TTN: variants seen among roughly 807,000 people sequenced by gnomAD.
TTN encodes the protein titin.
TTN carries 1,525 observed loss-of-function variants against 3,223.0 expected under a neutral mutation model. The observed-to-expected ratio is 0.47, with a 90% CI of 0.45 to 0.49. The LOEUF is 0.49. Among genes scored for constraint, TTN ranks in the 20% least tolerant of loss-of-function variants. The pLI is 0.00. For missense variants in TTN, 40,786 were observed against 43,424.0 expected, an observed-to-expected ratio of 0.94 and a Z score of 5.40; for synonymous variants, 14,094 against 15,161.0, an observed-to-expected ratio of 0.93 and a Z score of 5.17.
Position 178,548,850 on chromosome 2 carries a change from C to G in TTN, c.92776G>C (p.Asp30926His). ...AVDRLTAPEL[D>H]IDANFKQTHV... Reference sequence around the variant, plus strand: ...GTCTGTTTGAAGTTTGCATCTATGTCTAACTCAGGAGCTGTTAACCGGTCA... The same window carrying G: ...GTCTGTTTGAAGTTTGCATCTATGTGTAACTCAGGAGCTGTTAACCGGTCA... Residue 30926 changes from aspartate to histidine, a missense_variant, in exon 339 of 363, where the codon GAC becomes CAC. Coordinates refer to ENST00000589042, the MANE Select transcript of TTN (RefSeq NM_001267550.2). This position sits in a 1 kb window ranked among gnomAD's most constrained non-coding sequence, Gnocchi z 4.3. 1 of 1,613,478 alleles carries G rather than the reference C, an allele frequency of 6.2e-7. No individual in the cohort carries two copies.
At chr2:178,619,490 AGTT>A in intron 250 of TTN, 128 bp downstream of exon 250, 1 of 1,139,062 alleles carries the variant, frequency 8.8e-7, no homozygotes, top group Non-Finnish European at 1.2e-6. Context: ...GCAAAATTAG[AGTT>A]GTTAACATGT....
rs2154135353 is a variant in TTN, at chr2:178,533,718, T to C, written c.102897A>G (p.Lys34299=). The C allele has an allele frequency of 1.9e-6, 3 of 1,613,932 alleles. No homozygotes were observed. The highest frequency in any genetic ancestry group is 2.5e-6 in the Non-Finnish European group (3 of 1,179,870). ...TGTACTTCTTGTCATTGTCACCTGG[T>C]TTGATTTTCTGACCTGATTTATACC... The part of the protein sequence containing the change: ...VTWYKSGQKI[K]PGDNDKKYTF... The change falls in exon 358 of 363, where the codon AAA becomes AAG. Residue 34299 remains lysine (K), a synonymous_variant. Coordinates refer to ENST00000589042, the MANE Select transcript of TTN (RefSeq NM_001267550.2).
chr2:178,805,713 T>C (rs1278551824), intron 1 of TTN, among the ~76,000 whole-genome samples: 2 of 152,216 alleles, frequency 1.3e-5, no homozygotes, highest in African/African-American at 4.8e-5. Flanking sequence ...CAAAGTTTAT[T>C]ATAGTTCTGA....
chr2:178,785,419 T>G (rs138009314), intron 15 of TTN, among the ~76,000 whole-genome samples: 3 of 152,244 alleles, frequency 2.0e-5, no homozygotes, highest in African/African-American at 7.2e-5. Context: ...GATAACCACT[T>G]GTGACTCTAG....
chr2:178,710,881 C>T lies in TTN; in HGVS notation c.28216G>A (p.Val9406Met), dbSNP rs1280284347. The stretch of plus-strand genomic sequence containing the variant: ...GCACTTTCTCCCACCACAGCATCCA[C>T]AGGGGCAAGACGGATGTCAAAGAAG... Reference protein sequence around the residue: ...PPFFDIRLAPVDAVVGESADF... With the variant: ...PPFFDIRLAPMDAVVGESADF... Residue 9406 changes from valine (V) to methionine (M), a missense_variant, in exon 98 of 363, where the codon GTG becomes ATG. Transcript: ENST00000589042. The T allele has an allele frequency of 6.2e-7, 1 of 1,613,884 alleles. No individual in the cohort carries two copies. The highest frequency in any genetic ancestry group is 1.3e-5 in the African/African-American group (1 of 75,038).
In TTN at chr2:178,711,189, T is replaced by C. The variant is rs575817028; in HGVS notation, c.28047A>G (p.Thr9349=). 4 of 1,613,858 alleles carry C rather than the reference T, an allele frequency of 2.5e-6. No homozygotes were observed. The South Asian group carries it at 3.3e-5, about 13-fold the overall frequency. ...KPLKDSPNVQ[T]SFLDNTATLN... Reference sequence around the variant, plus strand: ...GTGTGGCTGTATTGTCTAAAAATGATGTTTGTACATTTGGGCTGTCTTTCA... The same window carrying C: ...GTGTGGCTGTATTGTCTAAAAATGACGTTTGTACATTTGGGCTGTCTTTCA... Residue 9349 remains threonine (T), a synonymous_variant, in exon 97 of 363, where the codon ACA becomes ACG. Coordinates refer to ENST00000589042, the MANE Select transcript of TTN (RefSeq NM_001267550.2).
Position 178,558,326 on chromosome 2 carries a change from CA to C in TTN, c.87118+14del, listed in dbSNP as rs1702303345. On this transcript the variant is annotated intron_variant, in intron 327 of 362. Coordinates refer to ENST00000589042, the MANE Select transcript of TTN (RefSeq NM_001267550.2). The stretch of plus-strand genomic sequence containing the variant: ...AATAATTTCAAATTTTGCTTCTACA[CA>C]AAATTAGACATACCTAGTTGCTCCT... 6.3e-7 allele frequency: 1 copy of C among 1,596,758 alleles called. No individual in the cohort carries two copies. Among genetic ancestry groups the C allele is most frequent in the African/African-American group, 1.4e-5 (1 of 73,690 alleles).
intron 250 of TTN, 194 bp from the exon 251 acceptor site, chr2:178,619,047 G>A (rs2057842800): frequency 1.4e-6 from 1 of 698,418 alleles, no homozygotes; most frequent in South Asian, 2.1e-5. Context: ...AAATTAGATT[G>A]GAGAGTAGAG....
chr2:178,757,158 C>CAGCA (rs2087329128), intron 45 of TTN, among the ~76,000 whole-genome samples: 2 of 149,826 alleles, frequency 1.3e-5, no homozygotes, highest in African/African-American at 2.5e-5. Context: ...GCTTTAAGTA[C>CAGCA]AGTAAGTAAT....
chr2:178,591,053 G>C lies in TTN; in HGVS notation c.60672C>G (p.Ser20224=). The C allele has an allele frequency of 1.2e-6, 2 of 1,613,316 alleles. No individual in the cohort carries two copies. Among genetic ancestry groups the C allele is most frequent in the Non-Finnish European group, 1.7e-6 (2 of 1,179,534 alleles). Residue 20224 remains serine, a synonymous_variant, in exon 304 of 363, where the codon TCC becomes TCG. Transcript: ENST00000589042. ...TTTTCAGCTTTGTCTTACTGCTTCC[G>C]GAAGAGACAACACCCCACGTGTCTT... The part of the protein sequence containing the change: ...TRKDTWGVVS[S]GSSKTKLKIP...
chr2:178,784,548 A>G (rs1052920495), intron 15 of TTN, among the ~76,000 whole-genome samples, 197 bp from the exon 16 acceptor site: 6 of 152,226 alleles, frequency 3.9e-5, no homozygotes, highest in African/African-American at 1.4e-4. Flanking sequence ...GTTAGTTTGT[A>G]AAACAAATTT....
rs569174612 is a variant in TTN at position 178,567,293 on chromosome 2, T to G, written c.78839A>C (p.Asn26280Thr). The change falls in exon 326 of 363, where the codon AAT (asparagine) becomes ACT (threonine). Residue 26280 changes from asparagine (N) to threonine (T), a missense_variant. Coordinates refer to ENST00000589042, the MANE Select transcript of TTN (RefSeq NM_001267550.2). ...TCCTGGTCTATCTAATACTTTTACA[T>G]TTACTGGGAATGACTTAGAACCTGC... ...NVAGSKSFPV[N>T]VKVLDRPGPP... 1.2e-6 allele frequency: 2 copies of G among 1,607,044 alleles called. No homozygotes were observed. Among genetic ancestry groups the G allele is most frequent in the African/African-American group, 2.7e-5 (2 of 74,528 alleles).
rs200378865 is a variant in TTN, at chr2:178,531,488, G to A, written c.105127C>T (p.Arg35043Cys). 3.5e-4 allele frequency: 571 copies of A among 1,613,856 alleles called. 2 individuals carry two copies. The African/African-American group carries it at 6.6e-3, about 19-fold the overall frequency. Reference protein sequence around the residue: ...GGDYTTYASQRRDEEVPRSVF... With the variant: ...GGDYTTYASQCRDEEVPRSVF... ...GATCTGGGGACCTCTTCATCTCTGC[G>A]TTGGGAAGCATAGGTGGTATAATCC... The change falls in exon 358 of 363, where the codon CGC becomes TGC. Residue 35043 changes from arginine (R) to cysteine (C), a missense_variant. Transcript: ENST00000589042.
intron 316 of TTN, among the ~76,000 whole-genome samples, chr2:178,581,080 TAGAAGAAATA>T (rs1241959242): frequency 1.3e-5 from 2 of 151,764 alleles, no homozygotes; most frequent in African/African-American, 4.8e-5. Flanking sequence ...GATAAGCAAA[TAGAAGAAATA>T]AGAAGAAGGG....
At chr2:178,802,112 G>C in intron 3 of TTN, 26 bp downstream of exon 3, 2 of 1,613,686 alleles carry the variant, frequency 1.2e-6, no homozygotes, top group Non-Finnish European at 1.7e-6. Flanking sequence ...GGGGAGCAGA[G>C]GATTGGCAGG....
Position 178,720,663 on chromosome 2 carries a change from G to A in TTN, c.23099C>T (p.Ala7700Val), listed in dbSNP as rs747272659. Residue 7700 changes from alanine to valine, a missense_variant and splice_region_variant, in exon 80 of 363, where the codon GCA becomes GTA. Transcript: ENST00000589042. ...ASCSTALTVK[A>V]PPVFTQKPSP... ...AGGCTTCTGGGTGAAAACAGGAGGT[G>A]CTACCAGAAAAAAGGAGATAAACAA... The A allele has an allele frequency of 2.5e-6, 4 of 1,571,082 alleles. No individual in the cohort carries two copies. The East Asian group carries it at 6.7e-5, about 26-fold the overall frequency.
chr2:178,557,019 C>T lies in TTN; in HGVS notation c.88135G>A (p.Asp29379Asn), dbSNP rs1285049057. The T allele has an allele frequency of 3.7e-6, 6 of 1,613,672 alleles. No individual in the cohort carries two copies. The African/African-American group carries it at 8.0e-5, about 22-fold the overall frequency. Residue 29379 changes from aspartate to asparagine, a missense_variant, in exon 330 of 363, where the codon GAT (aspartate) becomes AAT (asparagine). Asp to Asn is a conservative substitution (Grantham distance 23, BLOSUM62 1). Transcript: ENST00000589042. ...GYIVERRDLP[D>N]GRWTKASFTN... ...AAGCTGGCCTTGGTCCATCTGCCAT[C>T]TGGAAGGTCACGTCTCTCAACAATG...
At chr2:178,691,419 C>A (rs1295524823) in intron 121 of TTN, among the ~76,000 whole-genome samples, 2 of 152,168 alleles carry the variant, frequency 1.3e-5, no homozygotes, top group Admixed American at 1.3e-4. Flanking sequence ...CTTTGACTAG[C>A]TAATTAGATA....
In TTN at chr2:178,572,290, T is replaced by TG; in HGVS notation, c.73841dup (p.Glu24615ArgfsTer18). ...TTTTTCCTGGAGGAAGAGGTCGTTC[T>TG]GATGCTTTCACAGATTCTGCGGTTT... On this transcript the variant is annotated frameshift_variant, in exon 326 of 363. Transcript: ENST00000589042. LOFTEE classifies it high-confidence loss of function. 6.2e-7 allele frequency: 1 copy of TG among 1,612,670 alleles called. No homozygotes were observed. Among genetic ancestry groups the TG allele is most frequent in the Non-Finnish European group, 8.5e-7 (1 of 1,178,932 alleles).
Sources: allele counts gnomAD v4.1 joint callset (sites outside exome capture counted in the v4.1 genomes callset), GRCh38; gene constraint gnomAD v4.1.1; non-coding constraint Gnocchi (gnomAD v3.1); transcripts MANE v1.5; gene names NCBI Gene and HGNC (gene_info 2026-07-23, HGNC 2026-07-21).